IQSEC3: variants seen among roughly 807,000 people sequenced by gnomAD.
IQSEC3 encodes the protein IQ motif and Sec7 domain ArfGEF 3.
IQSEC3 carries 50 observed loss-of-function variants against 105.4 expected under a neutral mutation model. The observed-to-expected ratio is 0.47, with a 90% CI of 0.38 to 0.60. The LOEUF is 0.60. Ranked by LOEUF, IQSEC3 falls within the 20% of genes least tolerant of loss-of-function variation. The probability of loss-of-function intolerance (pLI) is 0.00; values close to 1 mark genes in which losing one functional copy is unlikely to be tolerated. For missense variants in IQSEC3, 1,415 were observed against 1,630.0 expected, an observed-to-expected ratio of 0.87 and a Z score of 2.27; for synonymous variants, 708 against 746.0, an observed-to-expected ratio of 0.95 and a Z score of 0.83.
Position 138,606 on chromosome 12 carries a change from G to T in IQSEC3, c.1243G>T (p.Asp415Tyr). Residue 415 changes from aspartate (D) to tyrosine (Y), a missense_variant, in exon 4 of 14, where the codon GAC becomes TAC. Asp to Tyr is a radical substitution (Grantham distance 160). Around this residue, in one of 6 missense-constraint regions of IQSEC3, gnomAD observed 720 missense variants for 633.0 expected, o/e 1.14. Transcript: ENST00000538872. The surrounding 1 kb of genome is among the most constrained non-coding windows in gnomAD (Gnocchi z 7.1). The stretch of plus-strand genomic sequence containing the variant: ...GCAATCCCTGGCCAAGTCCATCGAC[G>T]ACGCGCTCAGCACGTGGAGCCTCAA... ...QVQSLAKSID[D>Y]ALSTWSLKTM... 6.3e-7 allele frequency: 1 copy of T among 1,588,982 alleles called. No individual in the cohort carries two copies. Among genetic ancestry groups the T allele is most frequent in the Non-Finnish European group, 8.5e-7 (1 of 1,175,222 alleles).
rs879946505 is a variant in IQSEC3, at chr12:162,031, C to A, written c.2549C>A (p.Thr850Asn). 2 of 1,613,826 alleles carry A rather than the reference C, an allele frequency of 1.2e-6. No individual in the cohort carries two copies. The highest frequency in any genetic ancestry group is 1.7e-6 in the Non-Finnish European group (2 of 1,179,982). ...AATGAGGACCACGTCACGTACGTCA[C>A]CAAGGTGGAGAAGTCCATTGTGGGC... is the stretch of plus-strand genomic sequence containing the variant. The part of the protein sequence containing the change: ...KSNEDHVTYV[T>N]KVEKSIVGMK... Residue 850 changes from threonine to asparagine, a missense_variant, in exon 8 of 14, where the codon ACC becomes AAC. Physicochemically the swap from Thr to Asn is moderately conservative, Grantham distance 65 (BLOSUM62 0). Transcript: ENST00000538872.
intron 2 of IQSEC3, among the ~76,000 whole-genome samples, chr12:117,549 G>A (rs1378737879): frequency 2.0e-5 from 3 of 152,190 alleles, no homozygotes; most frequent in Non-Finnish European, 4.4e-5. Flanking sequence ...CATGGGGACA[G>A]TCTGCAGGAG....
chr12:109,557 C>G (rs564547968), intron 2 of IQSEC3, among the ~76,000 whole-genome samples: 2 of 152,106 alleles, frequency 1.3e-5, no homozygotes, highest in Non-Finnish European at 2.9e-5. Flanking sequence ...CTTTGCCGTA[C>G]GCAACCCACT....
intron 5 of IQSEC3, chr12:141,491 C>T (rs566066292): frequency 2.3e-4 from 123 of 541,096 alleles, no homozygotes; most frequent in Non-Finnish European, 1.5e-4. Context: ...TGATTGAGTT[C>T]GCCCCAGGCC....
chr12:94,445 T>A (rs1354106447), intron 1 of IQSEC3, among the ~76,000 whole-genome samples: 2 of 152,198 alleles, frequency 1.3e-5, no homozygotes, highest in Admixed American at 6.5e-5. Flanking sequence ...CAATTCAGCA[T>A]GAGCTAAACC....
intron 13 of IQSEC3, among the ~76,000 whole-genome samples, 179 bp from the exon 14 acceptor site, chr12:174,420 C>T (rs1396752468): frequency 6.6e-6 from 1 of 152,136 alleles, no homozygotes; most frequent in Non-Finnish European, 1.5e-5. Context: ...ACTCCTCTCT[C>T]CCCCCTGGGC....
In IQSEC3 at chr12:175,301, T is replaced by TGGCCACCACTTTCCCCC. The variant is rs1244214066; in HGVS notation, c.*269_*285dup. 2.3e-5 allele frequency: 10 copies of TGGCCACCACTTTCCCCC among 440,080 alleles called. No homozygotes were observed. Among genetic ancestry groups the TGGCCACCACTTTCCCCC allele is most frequent in the Non-Finnish European group, 4.0e-5 (10 of 249,438 alleles). 27.3% of individuals were successfully genotyped at this position (440,080 alleles called of 1,614,324 possible). On this transcript the variant is annotated 3_prime_UTR_variant, in exon 14 of 14. Transcript: ENST00000538872. ...GACCCGGCGAGGCCTCCTCTTCCCC[T>TGGCCACCACTTTCCCCC]GGCCACCACTTTCCCCCATTGGACC... is the stretch of plus-strand genomic sequence containing the variant.
In IQSEC3 at chr12:171,138, A is replaced by G. The variant is rs1555100108; in HGVS notation, c.3091A>G (p.Arg1031Gly). 1 of 1,613,998 alleles carries G rather than the reference A, an allele frequency of 6.2e-7. No homozygotes were observed. The highest frequency in any genetic ancestry group is 1.1e-5 in the South Asian group (1 of 91,070). The change falls in exon 13 of 14, where the codon AGG becomes GGG. Residue 1031 changes from arginine (R) to glycine (G), a missense_variant. Transcript: ENST00000538872. ...CAAAAGGGAAGCCGCGCTCAGGGAG[A>G]GGCCGGCGGAGAGCACGGTGGAGGT... ...TAKREAALRE[R>G]PAESTVEVSI...
intron 1 of IQSEC3, among the ~76,000 whole-genome samples, chr12:86,181 C>T (rs1167500262): frequency 2.6e-5 from 4 of 152,144 alleles, no homozygotes; most frequent in African/African-American, 4.8e-5. Flanking sequence ...CAGAGGTGGG[C>T]GCTTCCGGCC....
At chr12:147,419 G>T (rs781865057) in intron 5 of IQSEC3, among the ~76,000 whole-genome samples, 1 of 152,160 alleles carries the variant, frequency 6.6e-6, no homozygotes, top group Non-Finnish European at 1.5e-5. Flanking sequence ...CCCAATGAAG[G>T]CACTGAGGAA....
At chr12:154,203 G>C (rs1235278923) in intron 5 of IQSEC3, among the ~76,000 whole-genome samples, 1 of 152,222 alleles carries the variant, frequency 6.6e-6, no homozygotes, top group African/African-American at 2.4e-5. Context: ...CACTACCGGG[G>C]CTTTTAGCAG....
At chr12:155,107 G>A (rs982661373) in intron 5 of IQSEC3, among the ~76,000 whole-genome samples, 6 of 152,340 alleles carry the variant, frequency 3.9e-5, no homozygotes, top group South Asian at 2.1e-4. Flanking sequence ...AGGAACACAC[G>A]GATGTGGCCG....
Position 176,128 on chromosome 12 carries a change from C to T in IQSEC3, c.*1095C>T, listed in dbSNP as rs1939229576. The T allele has an allele frequency of 6.6e-6, 1 of 151,692 alleles. No homozygotes were observed. The highest frequency in any genetic ancestry group is 6.5e-5 in the Admixed American group (1 of 15,274). 9.4% of individuals were successfully genotyped at this position (151,692 alleles called of 1,614,324 possible). A position where few individuals can be genotyped will look rare whatever the true frequency, so the allele number is the denominator to read the frequency against. On this transcript the variant is annotated 3_prime_UTR_variant, in exon 14 of 14. Coordinates refer to ENST00000538872, the MANE Select transcript of IQSEC3 (RefSeq NM_001170738.2). The surrounding 1 kb of genome is among the most constrained non-coding windows in gnomAD (Gnocchi z 4.0). Reference sequence around the variant, plus strand: ...TGCGCCCCTCAGCCTTTAAATATTCCCTCCTCCTAGAAGGTTCTAGACCCC... The same window carrying T: ...TGCGCCCCTCAGCCTTTAAATATTCTCTCCTCCTAGAAGGTTCTAGACCCC...
At chr12:122,849 C>G in intron 2 of IQSEC3, among the ~76,000 whole-genome samples, 1 of 152,156 alleles carries the variant, frequency 6.6e-6, no homozygotes, top group Admixed American at 6.5e-5. Flanking sequence ...GTGTCTGGAC[C>G]CTTGAGTAGC....
Position 174,885 on chromosome 12 carries a change from T to TG in IQSEC3, c.3404dup (p.Gly1136ArgfsTer117). On this transcript the variant is annotated frameshift_variant, in exon 14 of 14. Transcript: ENST00000538872. LOFTEE classifies it high-confidence loss of function. ...TCTGACTCCTGCGGCTCCACACCCCTGGGCGGTCCCGGCTCTCCGGTCAAG... is the reference window on the plus strand; with the variant it reads ...TCTGACTCCTGCGGCTCCACACCCCTGGGGCGGTCCCGGCTCTCCGGTCAAG... The TG allele has an allele frequency of 6.4e-7, 1 of 1,572,132 alleles. No individual in the cohort carries two copies. Among genetic ancestry groups the TG allele is most frequent in the Non-Finnish European group, 8.6e-7 (1 of 1,167,618 alleles).
At chr12:133,685 G>A (rs1441888340) in intron 3 of IQSEC3, among the ~76,000 whole-genome samples, 1 of 151,986 alleles carries the variant, frequency 6.6e-6, no homozygotes, top group Non-Finnish European at 1.5e-5. Flanking sequence ...ACAGGCTAGG[G>A]CAGGGTTGGG....
chr12:84,156 A>G (rs1843558849), intron 1 of IQSEC3, among the ~76,000 whole-genome samples: 1 of 152,232 alleles, frequency 6.6e-6, no homozygotes, highest in Non-Finnish European at 1.5e-5. Flanking sequence ...ACCATTGTTC[A>G]GGAACAGAAA....
chr12:124,973 C>T (rs1865336385), intron 2 of IQSEC3, among the ~76,000 whole-genome samples: 1 of 152,154 alleles, frequency 6.6e-6, no homozygotes, highest in African/African-American at 2.4e-5. Context: ...AGGAAGCCTC[C>T]TCTTCACAGC....
At chr12:106,566 C>T (rs143662452) in intron 2 of IQSEC3, 3 of 152,370 alleles carry the variant, frequency 2.0e-5, no homozygotes, top group East Asian at 3.9e-4. Context: ...ATACCCCTAA[C>T]TAAAGATAAT....
Sources: gnomAD v4.1 joint callset for allele counts (sites outside exome capture counted in the v4.1 genomes callset) on GRCh38, gnomAD v4.1.1 for gene constraint, gnomAD v4.1.1 regional missense constraint, Gnocchi (gnomAD v3.1) non-coding constraint, MANE v1.5 for transcripts, NCBI Gene and HGNC (gene_info 2026-07-23, HGNC 2026-07-21) for gene names.